ISLR2: variants seen among roughly 807,000 people sequenced by gnomAD.
ISLR2 encodes the protein immunoglobulin superfamily containing leucine-rich repeat protein 2.
In ISLR2, 16 loss-of-function variants were observed where a neutral mutation model predicts 25.5. That is an observed-to-expected ratio of 0.63 (90% CI 0.43 to 0.95). ISLR2 has a LOEUF of 0.95. Ranked by LOEUF, ISLR2 falls within the 40% of genes least tolerant of loss-of-function variation. The pLI, the probability that ISLR2 is intolerant of heterozygous loss-of-function variation, is 0.00. For synonymous variants in ISLR2, 508 were observed against 486.6 expected, an observed-to-expected ratio of 1.04 and a Z score of -0.58; for missense variants, 883 against 1,030.7, an observed-to-expected ratio of 0.86 and a Z score of 1.96.
At position 74,106,112 on chromosome 15, in the gene ISLR2, G is replaced by A. The variant is rs1420689816; in HGVS notation, n.228+2198G>A. 2.0e-5 allele frequency among the ~76,000 whole-genome samples: 3 copies of A among 152,138 alleles called. No homozygotes were observed. In the East Asian group the frequency reaches 5.8e-4, roughly 29 times the overall value. On this transcript the variant is annotated intron_variant and non_coding_transcript_variant, in intron 2 of 3. Coordinates refer to the ISLR2 transcript ENST00000561975. ...AGGCTGAGGTGGGAGGATCACTTGA[G>A]CCCAGGAGTTTGAGGCTGCAGTGAG...
upstream of ISLR2, among the ~76,000 whole-genome samples, chr15:74,125,340 C>T (rs949903323): frequency 2.0e-5 from 3 of 152,080 alleles, no homozygotes; most frequent in African/African-American, 4.8e-5. Flanking sequence ...TGGGCTCAAG[C>T]GATCCTCTGG....
downstream of ISLR2, among the ~76,000 whole-genome samples, chr15:74,140,425 C>T (rs922241233): frequency 6.6e-6 from 1 of 152,208 alleles, no homozygotes; most frequent in Non-Finnish European, 1.5e-5. Flanking sequence ...GCTATGACTA[C>T]CCTGCCCCAC....
intron 2 of ISLR2, among the ~76,000 whole-genome samples, chr15:74,117,627 A>G (rs1330831540): frequency 1.3e-5 from 2 of 152,098 alleles, no homozygotes; most frequent in African/African-American, 2.4e-5. Context: ...AGGCTGCAGA[A>G]AGCTATGATT....
chr15:74,114,276 A>G (rs538675935), intron 2 of ISLR2, among the ~76,000 whole-genome samples: 1 of 152,340 alleles, frequency 6.6e-6, no homozygotes, highest in African/African-American at 2.4e-5. Flanking sequence ...TCATCAATAC[A>G]GGTACTCCAT....
chr15:74,130,348 G>T (rs1479069753), upstream of ISLR2: 1 of 152,110 alleles, frequency 6.6e-6, no homozygotes, highest in East Asian at 1.9e-4. Context: ...GGGAGGAGGC[G>T]GCTAGCAGCG....
At chr15:74,129,391 A>C, upstream of ISLR2, 1 of 216,132 alleles carries the variant, frequency 4.6e-6, no homozygotes, top group Non-Finnish European at 9.3e-6. The surrounding 1 kb of genome is among the most constrained non-coding windows in gnomAD (Gnocchi z 4.5). Context: ...CGGGGTATTG[A>C]TCTCCACGGA....
chr15:74,110,557 C>CCTGTAAT (rs2072157476), intron 2 of ISLR2, among the ~76,000 whole-genome samples: 1 of 152,084 alleles, frequency 6.6e-6, no homozygotes, highest in Admixed American at 6.6e-5. Flanking sequence ...GTGGCTCACG[C>CCTGTAAT]CTGTAATCCC....
At chr15:74,122,891 G>C (rs566483165) in intron 2 of ISLR2, among the ~76,000 whole-genome samples, 2 of 152,118 alleles carry the variant, frequency 1.3e-5, no homozygotes, top group Non-Finnish European at 2.9e-5. Context: ...CCCTCCTGCG[G>C]TCTGCAGGAG....
intron 2 of ISLR2, among the ~76,000 whole-genome samples, chr15:74,119,912 G>A (rs545618255): frequency 6.6e-6 from 1 of 152,316 alleles, no homozygotes; most frequent in South Asian, 2.1e-4. Flanking sequence ...CACTGGCAGA[G>A]CTTGACCTGA....
upstream of ISLR2, chr15:74,128,729 C>T (rs1343090913): frequency 2.2e-6 from 1 of 447,260 alleles, no homozygotes; most frequent in African/African-American, 2.0e-5. Context: ...GTCCCCTGGA[C>T]ACGCCATGCC....
At position 74,135,164 on chromosome 15, in the gene ISLR2, C is replaced by T; in HGVS notation, c.*172C>T. ...CTTCTATTAGGGAGTGGGCCGATTT[C>T]ACCAGTCCCTGCTACCCACGGCTGC... On this transcript the variant is annotated 3_prime_UTR_variant, in exon 3 of 3. Coordinates refer to ENST00000453268, the MANE Select transcript of ISLR2 (RefSeq NM_020851.3). 1.3e-6 allele frequency: 1 copy of T among 741,462 alleles called. No homozygotes were observed. Among genetic ancestry groups the T allele is most frequent in the African/African-American group, 1.8e-5 (1 of 56,382 alleles). 45.9% of individuals were successfully genotyped at this position (741,462 alleles called of 1,614,324 possible).
At chr15:74,126,815 G>A (rs1476401965), upstream of ISLR2, 1 of 152,538 alleles carries the variant, frequency 6.6e-6, no homozygotes, top group Non-Finnish European at 1.5e-5. Flanking sequence ...AACAGGGCCT[G>A]GCTTCCCTGA....
chr15:74,128,118 T>C, upstream of ISLR2: 1 of 282,592 alleles, frequency 3.5e-6, no homozygotes. Flanking sequence ...ATTATTAACG[T>C]TATAAACATT....
chr15:74,134,680 C>T lies in ISLR2; in HGVS notation c.1926C>T (p.Ala642=), dbSNP rs535357987. The T allele has an allele frequency of 1.5e-4, 236 of 1,614,158 alleles. 3 individuals carry two copies. In the South Asian group the frequency reaches 2.4e-3, roughly 16 times the overall value. Residue 642 remains alanine, a synonymous_variant, in exon 3 of 3, where the codon GCC becomes GCT. Coordinates refer to ENST00000453268, the MANE Select transcript of ISLR2 (RefSeq NM_020851.3). ...CTGACCCTATGGAGAAGCGCATCGC[C>T]GCAGACTTCGACCCGCGTGCTTCGT... The part of the protein sequence containing the change: ...QAPDPMEKRI[A]ADFDPRASYL...
chr15:74,100,713 A>G (rs1475887981), intron 1 of ISLR2, among the ~76,000 whole-genome samples: 4 of 136,794 alleles, frequency 2.9e-5, no homozygotes, highest in Non-Finnish European at 6.2e-5. Context: ...CATAACCAGC[A>G]CCCAGATAAG....
chr15:74,133,034 G>T lies in ISLR2; in HGVS notation c.280G>T (p.Ala94Ser), dbSNP rs1253314859. ...TGAGGTGCGCACCGTGGAGCCAGGC[G>T]CACTGGCCGTGCTGAGTCAGCTCAA... ...HNEVRTVEPG[A>S]LAVLSQLKNL... The change falls in exon 3 of 3, where the codon GCA becomes TCA. Residue 94 changes from alanine (A) to serine (S), a missense_variant. Physicochemically the swap from Ala to Ser is moderately conservative, Grantham distance 99. This residue lies in a region of ISLR2 where 271 missense variants were observed against 387.9 expected (regional missense o/e 0.70). Coordinates refer to ENST00000453268, the MANE Select transcript of ISLR2 (RefSeq NM_020851.3). 1 of 1,613,060 alleles carries T rather than the reference G, an allele frequency of 6.2e-7. No individual in the cohort carries two copies. The highest frequency in any genetic ancestry group is 1.7e-5 in the Admixed American group (1 of 60,030).
intron 1 of ISLR2, among the ~76,000 whole-genome samples, 161 bp downstream of exon 1, chr15:74,130,782 A>G (rs997320707): frequency 2.6e-5 from 4 of 151,404 alleles, no homozygotes; most frequent in Non-Finnish European, 4.4e-5. Context: ...AAGGTCGGCT[A>G]TGGGGAGGGT....
chr15:74,139,057 C>T (rs553900538), downstream of ISLR2, among the ~76,000 whole-genome samples: 53 of 152,324 alleles, frequency 3.5e-4, no homozygotes, highest in Non-Finnish European at 1.3e-4. Flanking sequence ...CCTCTAGGAT[C>T]CTGAGTGCCA....
Position 74,133,859 on chromosome 15 carries a change from C to G in ISLR2, c.1105C>G (p.Arg369Gly). 1 of 1,612,812 alleles carries G rather than the reference C, an allele frequency of 6.2e-7. No homozygotes were observed. Among genetic ancestry groups the G allele is most frequent in the South Asian group, 1.1e-5 (1 of 90,888 alleles). ...GCTGGGCGCCAACTCTACGTCAATA[C>G]GCGTGGCGGTGGCAGCAACCGGGCC... ...NELGANSTSIRVAVAATGPPK... is the reference protein window; with the variant it reads ...NELGANSTSIGVAVAATGPPK... The change falls in exon 3 of 3, where the codon CGC (arginine) becomes GGC (glycine). Residue 369 changes from arginine to glycine, a missense_variant. Around this residue, in one of 2 missense-constraint regions of ISLR2, gnomAD observed 612 missense variants for 642.8 expected, o/e 0.95. Transcript: ENST00000453268.
Sources: allele counts gnomAD v4.1 joint callset (sites outside exome capture counted in the v4.1 genomes callset), GRCh38; gene constraint gnomAD v4.1.1; regional missense constraint gnomAD v4.1.1; non-coding constraint Gnocchi (gnomAD v3.1); transcripts MANE v1.5; gene names NCBI Gene and HGNC (gene_info 2026-07-23, HGNC 2026-07-21).